The following TMEM232 variants were observed in gnomAD, a reference collection of about 807,000 sequenced individuals.
TMEM232 encodes the protein transmembrane protein 232.
A neutral mutation model predicts 78.8 loss-of-function variants in TMEM232; 80 were observed. The observed-to-expected ratio is 1.01, with a 90% CI of 0.85 to 1.22. The LOEUF (loss-of-function observed/expected upper bound fraction) is 1.22. Among genes scored for constraint, TMEM232 ranks in the 50% most tolerant of loss-of-function variants. TMEM232 has a pLI of 0.00. For missense variants in TMEM232, 881 were observed against 742.2 expected (o/e 1.19, Z -2.17); for synonymous variants, 297 against 254.3 (o/e 1.17, Z -1.60).
chr5:110,425,293 A>G (rs1329895207), intron 12 of TMEM232, among the ~76,000 whole-genome samples: 2 of 152,188 alleles, frequency 1.3e-5, no homozygotes, highest in Non-Finnish European at 2.9e-5. Flanking sequence ...ATTGTGGTAG[A>G]CAGATTAGCA....
chr5:110,696,359 A>G (rs545053434), intron 1 of TMEM232, among the ~76,000 whole-genome samples: 34 of 152,332 alleles, frequency 2.2e-4, no homozygotes, highest in African/African-American at 7.9e-4. Flanking sequence ...CTGAATGGAC[A>G]AAAACTGGAA....
At chr5:110,430,001 T>C (rs1480695773) in intron 12 of TMEM232, 6 of 151,740 alleles carry the variant, frequency 4.0e-5, no homozygotes, top group Non-Finnish European at 8.9e-5. Flanking sequence ...GTCCATGATA[T>C]AGACACTGTC....
chr5:110,634,440 T>C (rs1023669562), intron 5 of TMEM232, among the ~76,000 whole-genome samples: 5 of 152,098 alleles, frequency 3.3e-5, no homozygotes, highest in African/African-American at 1.2e-4. Flanking sequence ...TTAGATCATA[T>C]GCTAGGCAAA....
intron 1 of TMEM232, among the ~76,000 whole-genome samples, chr5:110,708,240 G>C (rs935427437): frequency 1.3e-5 from 2 of 152,142 alleles, no homozygotes; most frequent in Non-Finnish European, 2.9e-5. Flanking sequence ...TATATATCTG[G>C]TGAAAATATC....
chr5:110,437,468 C>T (rs1035917356), intron 12 of TMEM232, among the ~76,000 whole-genome samples: 1 of 151,864 alleles, frequency 6.6e-6, no homozygotes, highest in South Asian at 2.1e-4. Context: ...ATAGTTGTTC[C>T]TTCTGTAAGG....
chr5:110,409,341 G>A (rs144278887), intron 2 of TMEM232, among the ~76,000 whole-genome samples: 2 of 152,300 alleles, frequency 1.3e-5, no homozygotes, highest in African/African-American at 4.8e-5. Flanking sequence ...CACAACTCAT[G>A]TTAATTAAGG....
chr5:110,695,935 C>T lies in TMEM232; in HGVS notation c.-12-28571G>A, dbSNP rs991126486. On this transcript the variant is annotated intron_variant, in intron 1 of 13. Transcript: ENST00000455884. Reference sequence around the variant, plus strand: ...CCAATCGATAGAAAAAAGAGGGAATCCTCCCTAACTCATTTTATGAGGCCA... The same window carrying T: ...CCAATCGATAGAAAAAAGAGGGAATTCTCCCTAACTCATTTTATGAGGCCA... 9.7e-4 allele frequency among the ~76,000 whole-genome samples: 148 copies of T among 152,272 alleles called. 1 individual carries two copies. Among genetic ancestry groups the T allele is most frequent in the Admixed American group, 1.8e-3 (27 of 15,292 alleles).
At chr5:110,551,821 T>C (rs1419924766) in intron 11 of TMEM232, among the ~76,000 whole-genome samples, 7 of 152,286 alleles carry the variant, frequency 4.6e-5, no homozygotes, top group South Asian at 4.1e-4. Flanking sequence ...ACAGAAATGA[T>C]AGAAGCCAAA....
chr5:110,405,341 A>G (rs897274754), intron 2 of TMEM232, among the ~76,000 whole-genome samples: 4 of 152,108 alleles, frequency 2.6e-5, no homozygotes, highest in Non-Finnish European at 4.4e-5. Context: ...TTAAATTTTT[A>G]TAGTATTATT....
At chr5:110,636,425 C>T (rs979931231) in intron 5 of TMEM232, among the ~76,000 whole-genome samples, 1 of 151,900 alleles carries the variant, frequency 6.6e-6, no homozygotes, top group Non-Finnish European at 1.5e-5. Context: ...GATGCAAACA[C>T]ATAGAAATAA....
intron 11 of TMEM232, among the ~76,000 whole-genome samples, chr5:110,546,634 G>C (rs566097550): frequency 6.6e-6 from 1 of 152,218 alleles, no homozygotes; most frequent in Admixed American, 6.5e-5. Flanking sequence ...ACTTAAATAA[G>C]AGTAGAATAC....
At chr5:110,568,722 A>G in intron 10 of TMEM232, 97 bp from the exon 11 acceptor site, 1 of 1,195,764 alleles carries the variant, frequency 8.4e-7, no homozygotes, top group Non-Finnish European at 1.1e-6. Flanking sequence ...ACTATAATTC[A>G]TAATAATATT....
At chr5:110,677,600 T>C (rs1792184394) in intron 1 of TMEM232, among the ~76,000 whole-genome samples, 1 of 152,218 alleles carries the variant, frequency 6.6e-6, no homozygotes, top group Non-Finnish European at 1.5e-5. Flanking sequence ...GTTTAGATTT[T>C]ATTTTCTAAA....
chr5:110,517,100 T>A (rs1768785795), intron 12 of TMEM232, among the ~76,000 whole-genome samples: 1 of 152,198 alleles, frequency 6.6e-6, no homozygotes, highest in Admixed American at 6.5e-5. Context: ...AAAATGGAGA[T>A]ATATAGGCAC....
At chr5:110,645,009 A>T (rs1431602227) in intron 2 of TMEM232, among the ~76,000 whole-genome samples, 1 of 151,692 alleles carries the variant, frequency 6.6e-6, no homozygotes, top group Admixed American at 6.6e-5. Context: ...CTAGAAATTT[A>T]CAAGCTACCA....
rs1413417344 is a variant in TMEM232, at chr5:110,528,335, T to A, written c.1703+253A>T. Among the ~76,000 whole-genome samples the A allele has an allele frequency of 4.6e-5, 7 of 152,006 alleles. No individual in the cohort carries two copies. In the East Asian group the frequency reaches 1.4e-3, roughly 29 times the overall value. On this transcript the variant is annotated intron_variant, in intron 12 of 13. Coordinates refer to ENST00000455884, the MANE Select transcript of TMEM232 (RefSeq NM_001039763.4). Reference sequence around the variant, plus strand: ...GAATGATTTGGTTTCTGTTTTAAGTTAGTATTTACCTCACAAGAATTACAT... The same window carrying A: ...GAATGATTTGGTTTCTGTTTTAAGTAAGTATTTACCTCACAAGAATTACAT...
At chr5:110,559,653 G>A (rs769763057) in intron 11 of TMEM232, among the ~76,000 whole-genome samples, 4 of 152,106 alleles carry the variant, frequency 2.6e-5, no homozygotes, top group Non-Finnish European at 5.9e-5. Context: ...GAATGTCTAC[G>A]TTAAAAAGGC....
rs1440310992 is a variant in TMEM232 at position 110,419,814 on chromosome 5, C to T, written c.*766G>A. Among the ~76,000 whole-genome samples the T allele has an allele frequency of 2.0e-5, 3 of 152,166 alleles. No individual in the cohort carries two copies. The East Asian group carries it at 5.8e-4, about 29-fold the overall frequency. On this transcript the variant is annotated 3_prime_UTR_variant, in exon 14 of 14. Transcript: ENST00000455884. ...AGGAATATAAGACATCACAAAAACT[C>T]CACCCTATTACTCTTACTCATAGGT... is the stretch of plus-strand genomic sequence containing the variant.
chr5:110,729,933 A>T (rs1798518434), upstream of TMEM232, among the ~76,000 whole-genome samples: 1 of 152,218 alleles, frequency 6.6e-6, no homozygotes, highest in African/African-American at 2.4e-5. Flanking sequence ...AAGCCTTCCA[A>T]CGCAATGACT....
Sources: allele counts gnomAD v4.1 joint callset (sites outside exome capture counted in the v4.1 genomes callset), GRCh38; gene constraint gnomAD v4.1.1; transcripts MANE v1.5; gene names NCBI Gene and HGNC (gene_info 2026-07-23, HGNC 2026-07-21).